ZNF721: variants seen among roughly 807,000 people sequenced by gnomAD.
ZNF721 encodes zinc finger protein 721.
Under a neutral mutation model 2.4 loss-of-function variants are expected in ZNF721, and 2 were observed. The ratio of observed to expected loss-of-function variants is 0.82; its 90% CI spans 0.34 to 2.58. ZNF721 has a LOEUF of 2.58. Among genes scored for constraint, ZNF721 ranks in the 30% most tolerant of loss-of-function variants. The pLI, the probability that ZNF721 is intolerant of heterozygous loss-of-function variation, is 0.11. For synonymous variants in ZNF721, 398 were observed against 381.8 expected (o/e 1.04, Z -0.50); for missense variants, 1,187 against 1,085.5 (o/e 1.09, Z -1.31).
intron 2 of ZNF721, among the ~76,000 whole-genome samples, chr4:470,619 C>A (rs1320849956): frequency 3.9e-5 from 6 of 152,058 alleles, no homozygotes; most frequent in African/African-American, 1.5e-4. Flanking sequence ...GAGGCTGAGG[C>A]AGAAGAATCG....
chr4:451,429 C>T (rs1714658220), intron 2 of ZNF721, among the ~76,000 whole-genome samples: 1 of 152,138 alleles, frequency 6.6e-6, no homozygotes, highest in Admixed American at 6.5e-5. Context: ...TCGTGCCAAA[C>T]AACTCATTAC....
At position 468,301 on chromosome 4, in the gene ZNF721, G is replaced by T. The variant is rs375374386; in HGVS notation, c.34+4274C>A. On this transcript the variant is annotated intron_variant, in intron 2 of 2. Transcript: ENST00000511833. ...AAAAAATTAGCTGGGTGTGATGGAA[G>T]CGCCTGTACTCCCAGCTAGTTGGGA... 4.7e-4 allele frequency among the ~76,000 whole-genome samples: 72 copies of T among 151,630 alleles called. 1 individual carries two copies. In the South Asian group the frequency reaches 0.015, roughly 31 times the overall value.
intron 1 of ZNF721, among the ~76,000 whole-genome samples, chr4:474,395 T>C (rs1715570769): frequency 6.6e-6 from 1 of 152,182 alleles, no homozygotes; most frequent in Non-Finnish European, 1.5e-5. Context: ...ATTTTAACCT[T>C]CTGGTGTGTA....
chr4:476,055 C>T (rs1459108674), intron 1 of ZNF721, among the ~76,000 whole-genome samples: 1 of 152,092 alleles, frequency 6.6e-6, no homozygotes, highest in African/African-American at 2.4e-5. Flanking sequence ...ATTCTCTGGG[C>T]CCTTTAAATA....
Position 467,795 on chromosome 4 carries a change from C to A in ZNF721, c.34+4780G>T, listed in dbSNP as rs1715297959. On this transcript the variant is annotated intron_variant, in intron 2 of 2. Transcript: ENST00000511833. ...AGTTCAAGCCATTTGTAGTCACAGT[C>A]CGTGGCCACTCGTACACACTCAGAG... Among the ~76,000 whole-genome samples the A allele has an allele frequency of 3.3e-5, 5 of 152,152 alleles. No individual in the cohort carries two copies. In the South Asian group the frequency reaches 1.0e-3, roughly 31 times the overall value.
At chr4:455,150 T>TATATCATTTGCTTATA (rs373706850) in intron 2 of ZNF721, among the ~76,000 whole-genome samples, 1 of 152,322 alleles carries the variant, frequency 6.6e-6, no homozygotes, top group African/African-American at 2.4e-5. Context: ...ATCTGCTTAT[T>TATATCATTTGCTTATA]ATATCATTTG....
intron 1 of ZNF721, among the ~76,000 whole-genome samples, chr4:474,425 A>G (rs1057094587): frequency 6.6e-6 from 1 of 152,160 alleles, no homozygotes; most frequent in Non-Finnish European, 1.5e-5. Context: ...CAATTTATAA[A>G]TTGTGCACGC....
intron 2 of ZNF721, among the ~76,000 whole-genome samples, chr4:455,263 A>G (rs1187588219): frequency 6.6e-6 from 1 of 152,102 alleles, no homozygotes; most frequent in African/African-American, 2.4e-5. Flanking sequence ...GCACACAACA[A>G]TCTTACAAAA....
At chr4:460,212 AAT>A (rs1433932122) in intron 2 of ZNF721, among the ~76,000 whole-genome samples, 1 of 152,202 alleles carries the variant, frequency 6.6e-6, no homozygotes, top group Non-Finnish European at 1.5e-5. Context: ...CACTTCAGCA[AAT>A]GCAGAAGAAA....
At position 442,455 on chromosome 4, in the gene ZNF721, C is replaced by A; in HGVS notation, c.2012G>T (p.Cys671Phe). The part of the protein sequence containing the change: ...KILTGEQSYK[C>F]EECGKAFGWS... ...TCCAAAGGCTTTGCCACACTCTTCA[C>A]ATTTGTAACTTTGCTCTCCAGTAAG... Residue 671 changes from cysteine to phenylalanine, a missense_variant, in exon 3 of 3, where the codon TGT (cysteine) becomes TTT (phenylalanine). Cys to Phe is a radical substitution (Grantham distance 205). Coordinates refer to ENST00000511833, the MANE Select transcript of ZNF721 (RefSeq NM_133474.4). The A allele has an allele frequency of 6.2e-7, 1 of 1,613,908 alleles. No individual in the cohort carries two copies. Among genetic ancestry groups the A allele is most frequent in the Non-Finnish European group, 8.5e-7 (1 of 1,179,862 alleles).
intron 1 of ZNF721, among the ~76,000 whole-genome samples, chr4:492,348 C>T (rs1362872273): frequency 6.6e-6 from 1 of 152,020 alleles, no homozygotes; most frequent in Non-Finnish European, 1.5e-5. Context: ...TGGAAAAAAA[C>T]ATTCCCGTTA....
rs1553863612 is a variant in ZNF721, at chr4:443,329, T to C, written c.1138A>G (p.Lys380Glu). ...FGRYTALNQH[K>E]KIHTGEKPYK... ...GGTTTCTCTCCAGTATGAATTTTCT[T>C]GTGTTGATTCAGGGCTGTGTACCGT... The change falls in exon 3 of 3, where the codon AAG (lysine) becomes GAG (glutamate). Residue 380 changes from lysine to glutamate, a missense_variant. Physicochemically the swap from Lys to Glu is moderately conservative, Grantham distance 56 (BLOSUM62 1). Transcript: ENST00000511833. 1.2e-6 allele frequency: 2 copies of C among 1,614,016 alleles called. No homozygotes were observed. The highest frequency in any genetic ancestry group is 2.2e-5 in the South Asian group (2 of 91,076).
At chr4:471,649 C>T (rs903712203) in intron 2 of ZNF721, among the ~76,000 whole-genome samples, 1 of 152,016 alleles carries the variant, frequency 6.6e-6, no homozygotes, top group African/African-American at 2.4e-5. Flanking sequence ...TGCTAATGTA[C>T]ATTAGCATTA....
chr4:456,014 C>A (rs1714834228), intron 2 of ZNF721, among the ~76,000 whole-genome samples: 1 of 151,878 alleles, frequency 6.6e-6, no homozygotes, highest in Non-Finnish European at 1.5e-5. Context: ...TGCCTACTCA[C>A]CTACAAAAGA....
In ZNF721 at chr4:441,760, T is replaced by A. The variant is rs782143223; in HGVS notation, c.2707A>T (p.Arg903Ter). ...YTCGDCGKTF[R>*]QSANLYAHKK... Reference sequence around the variant, plus strand: ...TGTGCATAAAGATTTGCAGACTGTCTAAAGGTTTTGCCACAGTCTCCACAC... The same window carrying A: ...TGTGCATAAAGATTTGCAGACTGTCAAAAGGTTTTGCCACAGTCTCCACAC... The change falls in exon 3 of 3, where the codon AGA becomes TGA. Residue 903 changes from arginine (R) to a stop codon, truncating the protein, a stop_gained. Coordinates refer to ENST00000511833, the MANE Select transcript of ZNF721 (RefSeq NM_133474.4). LOFTEE classifies it low-confidence loss of function (END_TRUNC). The A allele has an allele frequency of 1.9e-6, 3 of 1,613,572 alleles. No individual in the cohort carries two copies. The East Asian group carries it at 6.7e-5, about 36-fold the overall frequency.
intron 1 of ZNF721, among the ~76,000 whole-genome samples, chr4:489,798 T>C (rs1160880741): frequency 1.3e-5 from 2 of 152,208 alleles, no homozygotes; most frequent in Admixed American, 6.5e-5. Flanking sequence ...ATCAGAAATA[T>C]ACCTTATTTC....
chr4:468,231 C>T (rs1553867036), intron 2 of ZNF721, among the ~76,000 whole-genome samples: 1 of 150,838 alleles, frequency 6.6e-6, no homozygotes, highest in Non-Finnish European at 1.5e-5. Context: ...AGCACCACTG[C>T]ACTCCAGCCT....
intron 1 of ZNF721, chr4:474,030 A>G: frequency 6.7e-7 from 1 of 1,497,784 alleles, no homozygotes. Flanking sequence ...GAATCATCCA[A>G]TACCCGCAGG....
rs141892702 is a variant in ZNF721, at chr4:485,038, G to A, written c.-93-12337C>T. On this transcript the variant is annotated intron_variant, in intron 1 of 2. Coordinates refer to ENST00000511833, the MANE Select transcript of ZNF721 (RefSeq NM_133474.4). ...TGTCCCTTTATTTCTCAAGCCGGCCGACACTTAGGGAAAATAGAAAAGAAC... is the reference window on the plus strand; with the variant it reads ...TGTCCCTTTATTTCTCAAGCCGGCCAACACTTAGGGAAAATAGAAAAGAAC... Among the ~76,000 whole-genome samples, 386 of 152,102 alleles carry A rather than the reference G, an allele frequency of 2.5e-3. 1 individual carries two copies. Among genetic ancestry groups the A allele is most frequent in the African/African-American group, 8.5e-3 (353 of 41,496 alleles).
Sources: allele counts gnomAD v4.1 joint callset (sites outside exome capture counted in the v4.1 genomes callset), GRCh38; gene constraint gnomAD v4.1.1; transcripts MANE v1.5; gene names NCBI Gene and HGNC (gene_info 2026-07-23, HGNC 2026-07-21).